The following CELF4 variants were observed in gnomAD, a reference collection of about 807,000 sequenced individuals.
CELF4 encodes the protein CUGBP Elav-like family member 4.
CELF4 carries 18 observed loss-of-function variants against 59.9 expected under a neutral mutation model. The ratio of observed to expected loss-of-function variants is 0.30; its 90% CI spans 0.21 to 0.45. The LOEUF (loss-of-function observed/expected upper bound fraction) is 0.45, where lower values mean the gene tolerates loss of function less well. Ranked by LOEUF, CELF4 falls within the 20% of genes least tolerant of loss-of-function variation. CELF4 has a pLI of 1.00. For missense variants in CELF4, 456 were observed against 689.0 expected (o/e 0.66, Z 3.79); for synonymous variants, 261 against 267.1 (o/e 0.98, Z 0.22).
At chr18:37,554,106 G>A (rs548182359) in intron 1 of CELF4, among the ~76,000 whole-genome samples, 40 of 152,328 alleles carry the variant, frequency 2.6e-4, no homozygotes, top group African/African-American at 9.6e-4. Context: ...ATGACTGAAT[G>A]CTGGTGCCAG....
intron 2 of CELF4, among the ~76,000 whole-genome samples, chr18:37,349,391 A>G (rs2098388062): frequency 6.6e-6 from 1 of 152,216 alleles, no homozygotes; most frequent in African/African-American, 2.4e-5. Flanking sequence ...TGGAGATGCG[A>G]TGCCTTCCCT....
At chr18:37,493,658 G>T (rs993160736) in intron 1 of CELF4, among the ~76,000 whole-genome samples, 3 of 151,946 alleles carry the variant, frequency 2.0e-5, no homozygotes. Flanking sequence ...CCTGCAGGGT[G>T]GGGGTGATGG....
chr18:37,321,999 T>G, intron 2 of CELF4, 118 bp from the exon 3 acceptor site: 1 of 662,156 alleles, frequency 1.5e-6, no homozygotes. Context: ...AGACACGCGC[T>G]CCCACAACAT....
At chr18:37,539,755 A>T (rs2154605402) in intron 1 of CELF4, among the ~76,000 whole-genome samples, 1 of 152,360 alleles carries the variant, frequency 6.6e-6, no homozygotes, top group South Asian at 2.1e-4. Context: ...AACCCTGGGC[A>T]TGTGGCTAGT....
At chr18:37,345,501 A>G (rs1211336105) in intron 2 of CELF4, among the ~76,000 whole-genome samples, 1 of 151,988 alleles carries the variant, frequency 6.6e-6, no homozygotes, top group Non-Finnish European at 1.5e-5. Context: ...ATGGCCTTAG[A>G]GACCTCGGTT....
intron 3 of CELF4, among the ~76,000 whole-genome samples, chr18:37,295,634 G>T (rs907934386): frequency 1.8e-4 from 28 of 152,220 alleles, no homozygotes; most frequent in African/African-American, 6.5e-4. Flanking sequence ...CTTTACAGAG[G>T]AGGAAATGGA....
intron 2 of CELF4, among the ~76,000 whole-genome samples, chr18:37,387,569 A>G (rs2099112847): frequency 6.6e-6 from 1 of 151,560 alleles, no homozygotes; most frequent in Admixed American, 6.6e-5. Context: ...GCTTCTTCCA[A>G]CTCCTTTGGA....
At chr18:37,300,500 C>G (rs1294801881) in intron 3 of CELF4, among the ~76,000 whole-genome samples, 1 of 152,178 alleles carries the variant, frequency 6.6e-6, no homozygotes, top group African/African-American at 2.4e-5. Flanking sequence ...GCTGGGATTA[C>G]AGGTGTGAGC....
At chr18:37,265,208 T>A (rs987295085) in intron 9 of CELF4, among the ~76,000 whole-genome samples, 1 of 151,898 alleles carries the variant, frequency 6.6e-6, no homozygotes, top group African/African-American at 2.4e-5. Flanking sequence ...TGTGGGTGTG[T>A]ACGTGTGTGT....
chr18:37,449,825 C>A (rs2081764442), intron 2 of CELF4, among the ~76,000 whole-genome samples: 1 of 152,194 alleles, frequency 6.6e-6, no homozygotes, highest in South Asian at 2.1e-4. Context: ...ATGTGGGAAC[C>A]AGACAAGAAT....
At chr18:37,247,191 G>A (rs1599840593) in intron 12 of CELF4, 1 of 152,196 alleles carries the variant, frequency 6.6e-6, no homozygotes, top group East Asian at 1.9e-4. Flanking sequence ...CTTACGGATG[G>A]GGGACTTTTC....
intron 1 of CELF4, among the ~76,000 whole-genome samples, chr18:37,539,066 G>C (rs1481045451): frequency 6.6e-6 from 1 of 151,854 alleles, no homozygotes; most frequent in East Asian, 1.9e-4. Context: ...GTCTCATCAG[G>C]GTTCTCAACG....
intron 3 of CELF4, among the ~76,000 whole-genome samples, chr18:37,318,324 ACCT>A (rs1415717833): frequency 7.5e-6 from 1 of 132,810 alleles, no homozygotes; most frequent in Non-Finnish European, 1.6e-5. Flanking sequence ...TACTTTTCTC[ACCT>A]CCTTCCCTTC....
chr18:37,546,109 C>T (rs556398522), intron 1 of CELF4, among the ~76,000 whole-genome samples: 3 of 152,294 alleles, frequency 2.0e-5, no homozygotes, highest in South Asian at 2.1e-4. Flanking sequence ...GCGTGCCCAC[C>T]CAGGGAGTTG....
chr18:37,548,616 C>T (rs1056438139), intron 1 of CELF4, among the ~76,000 whole-genome samples: 2 of 152,136 alleles, frequency 1.3e-5, no homozygotes, highest in Non-Finnish European at 2.9e-5. Flanking sequence ...GGGTGCTGGC[C>T]CTTAATGCAT....
intron 3 of CELF4, among the ~76,000 whole-genome samples, chr18:37,280,558 C>G (rs141622929): frequency 1.2e-4 from 19 of 152,150 alleles, no homozygotes; most frequent in Non-Finnish European, 1.8e-4. Flanking sequence ...CCAGAAGAGG[C>G]TAGAAGTGGG....
intron 2 of CELF4, among the ~76,000 whole-genome samples, chr18:37,478,351 G>A (rs1028656944): frequency 1.3e-5 from 2 of 152,170 alleles, no homozygotes; most frequent in African/African-American, 4.8e-5. Context: ...GTGCCCTCTT[G>A]TTTGTTTATT....
chr18:37,314,881 G>A (rs1439044674), intron 3 of CELF4, among the ~76,000 whole-genome samples: 1 of 152,144 alleles, frequency 6.6e-6, no homozygotes, highest in Non-Finnish European at 1.5e-5. Flanking sequence ...GGCTCCCATT[G>A]ACCAGGGAGA....
At chr18:37,500,199 C>A (rs2099929957) in intron 1 of CELF4, among the ~76,000 whole-genome samples, 1 of 152,188 alleles carries the variant, frequency 6.6e-6, no homozygotes, top group Admixed American at 6.5e-5. Context: ...GCAGCCAGTG[C>A]CCCTGCCCCT....
Sources: allele counts gnomAD v4.1 joint callset (sites outside exome capture counted in the v4.1 genomes callset), GRCh38; gene constraint gnomAD v4.1.1; transcripts MANE v1.5; gene names NCBI Gene and HGNC (gene_info 2026-07-23, HGNC 2026-07-21).